Variants in RBPJ observed in about 807,000 individuals in gnomAD.
RBPJ encodes the protein recombination signal binding protein for immunoglobulin kappa J region.
In RBPJ, 9 loss-of-function variants were observed where a neutral mutation model predicts 67.8. That is an observed-to-expected ratio of 0.13 (90% confidence interval 0.08 to 0.23). The LOEUF is 0.23. Ranked by LOEUF, RBPJ falls within the 10% of genes least tolerant of loss-of-function variation. The pLI, the probability that RBPJ is intolerant of heterozygous loss-of-function variation, is 1.00. For synonymous variants in RBPJ, 198 were observed against 203.3 expected (o/e 0.97, Z 0.22); for missense variants, 305 against 595.6 (o/e 0.51, Z 5.08).
Position 26,282,924 on chromosome 4 carries a change from C to CTTTT in RBPJ, c.-166-79501_-166-79498dup, listed in dbSNP as rs67501530. On this transcript the variant is annotated intron_variant, in intron 1 of 4. Transcript: ENST00000512351. ...TCCCTTTGTGTTTTAAGTGTAGATT[C>CTTTT]TTTTTTTTTTTTTTTTTTTTTTTTG... is the stretch of plus-strand genomic sequence containing the variant. 4.6e-3 allele frequency among the ~76,000 whole-genome samples: 285 copies of CTTTT among 61,650 alleles called. 2 individuals are homozygous for CTTTT. The highest frequency in any genetic ancestry group is 5.9e-3 in the Admixed American group (23 of 3,906). 40.4% of individuals were successfully genotyped at this position (61,650 alleles called of 152,430 possible). A position where few individuals can be genotyped will look rare whatever the true frequency, so the allele number is the denominator to read the frequency against.
chr4:26,164,437 G>A (rs1716187215), intron 1 of RBPJ, among the ~76,000 whole-genome samples: 2 of 152,148 alleles, frequency 1.3e-5, no homozygotes, highest in Non-Finnish European at 2.9e-5. Context: ...CTGGCTCTCA[G>A]AGCAGGGGCC....
At chr4:26,352,363 C>G (rs569607777) in intron 1 of RBPJ, among the ~76,000 whole-genome samples, 1 of 152,194 alleles carries the variant, frequency 6.6e-6, no homozygotes, top group African/African-American at 2.4e-5. Flanking sequence ...GGACACTAAT[C>G]CCATTCATGA....
In RBPJ at chr4:26,321,021, T is replaced by A. The variant is rs755793122; in HGVS notation, c.-8T>A. On this transcript the variant is annotated 5_prime_UTR_variant, in exon 1 of 11. Transcript: ENST00000355476. ...GAGGGTTGGAGTTTTGGCGAGAGTT[T>A]GTGGAAGATGGCGCCTGTTGTGACA... The A allele has an allele frequency of 1.2e-6, 2 of 1,613,202 alleles. No homozygotes were observed. Among genetic ancestry groups the A allele is most frequent in the Non-Finnish European group, 1.7e-6 (2 of 1,179,562 alleles).
the RBPJ span, among the ~76,000 whole-genome samples, chr4:26,134,182 C>A: frequency 6.6e-6 from 1 of 152,088 alleles, no homozygotes; most frequent in Non-Finnish European, 1.5e-5. Context: ...AGAGTTCATT[C>A]TTTTTGGGTC....
At chr4:26,414,823 T>G (rs1734401485) in intron 3 of RBPJ, among the ~76,000 whole-genome samples, 1 of 152,222 alleles carries the variant, frequency 6.6e-6, no homozygotes, top group Non-Finnish European at 1.5e-5. Flanking sequence ...ATACAGTGTA[T>G]TGTTCTTTGA....
rs869105820 is a variant in RBPJ at position 26,250,328 on chromosome 4, C to CTT, written c.-167+86734_-167+86735dup. 3.8e-3 allele frequency among the ~76,000 whole-genome samples: 453 copies of CTT among 120,690 alleles called. 4 individuals carry two copies. The highest frequency in any genetic ancestry group is 0.013 in the African/African-American group (422 of 31,822). 79.2% of individuals were successfully genotyped at this position (120,690 alleles called of 152,430 possible). On this transcript the variant is annotated intron_variant, in intron 1 of 4. Transcript: ENST00000512351. ...TTGTAGCATAGATCAGACTCCATTC[C>CTT]TTTTTTTTTTTTTTTTTTTTTGAAA...
At chr4:26,142,841 G>A in the RBPJ span, among the ~76,000 whole-genome samples, 1 of 152,198 alleles carries the variant, frequency 6.6e-6, no homozygotes, top group African/African-American at 2.4e-5. Context: ...GAGTGCAGTA[G>A]TGCAATCTCA....
At chr4:26,135,255 C>A in the RBPJ span, among the ~76,000 whole-genome samples, 723 of 152,216 alleles carry the variant, frequency 4.7e-3, 1 homozygote, top group African/African-American at 0.015. Context: ...TCTTAGCACA[C>A]CTTGGAACTT....
chr4:26,201,983 C>T (rs542020025), intron 1 of RBPJ, among the ~76,000 whole-genome samples: 8 of 152,212 alleles, frequency 5.3e-5, no homozygotes, highest in Non-Finnish European at 1.0e-4. Context: ...ATCAGCAGCA[C>T]CGAACATGGT....
At chr4:26,122,150 A>C in the RBPJ span, among the ~76,000 whole-genome samples, 1 of 152,182 alleles carries the variant, frequency 6.6e-6, no homozygotes, top group Non-Finnish European at 1.5e-5. Flanking sequence ...TCCAGCAGCC[A>C]TATTTTTAGG....
intron 3 of RBPJ, among the ~76,000 whole-genome samples, chr4:26,407,278 T>A (rs1189823688): frequency 6.6e-6 from 1 of 152,202 alleles, no homozygotes; most frequent in Non-Finnish European, 1.5e-5. Context: ...ATGGAATGAT[T>A]ATAAAGAAAA....
intron 1 of RBPJ, among the ~76,000 whole-genome samples, chr4:26,214,410 G>GAGAAAGAA (rs370272015): frequency 6.1e-4 from 84 of 137,778 alleles, no homozygotes; most frequent in African/African-American, 2.1e-3. Context: ...GGAAGAGAGA[G>GAGAAAGAA]AGAAAGAAAG....
At chr4:26,282,872 T>TA (rs1721322290) in intron 1 of RBPJ, among the ~76,000 whole-genome samples, 1 of 148,622 alleles carries the variant, frequency 6.7e-6, no homozygotes, top group Admixed American at 6.8e-5. Flanking sequence ...TAAAAGGAAA[T>TA]ACAGAGTTGA....
rs139782272 is a variant in RBPJ, at chr4:26,230,048, A to G, written c.-167+66434A>G. Reference sequence around the variant, plus strand: ...TGCAAAAAAATACAAAAAATAGTTGAGCATGGTGGCGTGCACCTATAATCT... The same window carrying G: ...TGCAAAAAAATACAAAAAATAGTTGGGCATGGTGGCGTGCACCTATAATCT... On this transcript the variant is annotated intron_variant, in intron 1 of 4. Coordinates refer to the RBPJ transcript ENST00000512351. Among the ~76,000 whole-genome samples the G allele has an allele frequency of 2.4e-3, 366 of 152,124 alleles. 3 individuals carry two copies. Among genetic ancestry groups the G allele is most frequent in the Admixed American group, 6.1e-3 (93 of 15,262 alleles).
At chr4:26,371,649 C>T (rs972366603) in intron 1 of RBPJ, among the ~76,000 whole-genome samples, 2 of 152,072 alleles carry the variant, frequency 1.3e-5, no homozygotes, top group African/African-American at 4.8e-5. Context: ...ACACAGATTT[C>T]CCTGGTTTAT....
chr4:26,182,793 G>A (rs576053325), intron 1 of RBPJ, among the ~76,000 whole-genome samples: 22 of 151,992 alleles, frequency 1.4e-4, no homozygotes, highest in African/African-American at 5.3e-4. Context: ...GCCACCACCC[G>A]GCTTACTTTT....
At chr4:26,227,382 T>C (rs758902242) in intron 1 of RBPJ, among the ~76,000 whole-genome samples, 1 of 152,160 alleles carries the variant, frequency 6.6e-6, no homozygotes, top group Non-Finnish European at 1.5e-5. Context: ...AAAATAATAA[T>C]GGCTACTTCA....
In RBPJ at chr4:26,401,468, C is replaced by G. The variant is rs60841839; in HGVS notation, c.60-4707C>G. Among the ~76,000 whole-genome samples, 763 of 152,292 alleles carry G rather than the reference C, an allele frequency of 5.0e-3. 10 individuals are homozygous for G. Among genetic ancestry groups the G allele is most frequent in the African/African-American group, 0.018 (742 of 41,548 alleles). ...ATGTTAATACATGCTTAGAAGAGTA[C>G]TGGAAGAGTGATTGCTTAATTTTAG... is the stretch of plus-strand genomic sequence containing the variant. On this transcript the variant is annotated intron_variant, in intron 2 of 10. Transcript: ENST00000355476.
chr4:26,249,498 A>G (rs1383956595), intron 1 of RBPJ, among the ~76,000 whole-genome samples: 1 of 152,008 alleles, frequency 6.6e-6, no homozygotes, highest in Non-Finnish European at 1.5e-5. Context: ...TGTCTCTACT[A>G]AAAATGCAAA....
Sources: gnomAD v4.1 joint callset for allele counts (sites outside exome capture counted in the v4.1 genomes callset) on GRCh38, gnomAD v4.1.1 for gene constraint, MANE v1.5 for transcripts, NCBI Gene and HGNC (gene_info 2026-07-23, HGNC 2026-07-21) for gene names.